Variants in PLPPR1 observed in about 807,000 individuals in gnomAD.
PLPPR1 encodes phospholipid phosphatase related 1, also known as phospholipid phosphatase-related protein type 1.
A neutral mutation model predicts 33.1 loss-of-function variants in PLPPR1; 10 were observed. The observed-to-expected ratio is 0.30, with a 90% CI of 0.19 to 0.51. The LOEUF (loss-of-function observed/expected upper bound fraction) is 0.51, where lower values mean the gene tolerates loss of function less well. Ranked by LOEUF, PLPPR1 falls within the 20% of genes least tolerant of loss-of-function variation. The pLI, the probability that PLPPR1 is intolerant of heterozygous loss-of-function variation, is 0.97. For synonymous variants in PLPPR1, 151 were observed against 151.0 expected (o/e 1.00, Z 0.00); for missense variants, 304 against 408.1 (o/e 0.74, Z 2.20).
At chr9:101,146,777 G>C (rs1831526475) in intron 1 of PLPPR1, among the ~76,000 whole-genome samples, 1 of 152,116 alleles carries the variant, frequency 6.6e-6, no homozygotes, top group South Asian at 2.1e-4. Context: ...ATCATCCTAG[G>C]GTCAAGAAGC....
At chr9:101,135,216 C>T (rs1315304086) in intron 1 of PLPPR1, among the ~76,000 whole-genome samples, 1 of 152,174 alleles carries the variant, frequency 6.6e-6, no homozygotes, top group Non-Finnish European at 1.5e-5. Context: ...TTTCTATCCA[C>T]ACCATATTCC....
At chr9:101,291,968 A>C (rs1275851369) in intron 4 of PLPPR1, among the ~76,000 whole-genome samples, 1 of 152,242 alleles carries the variant, frequency 6.6e-6, no homozygotes, top group Admixed American at 6.5e-5. Flanking sequence ...TGAGAGAAGA[A>C]GGCTTCAGAC....
chr9:101,120,951 T>G (rs1000304099), intron 1 of PLPPR1, among the ~76,000 whole-genome samples: 14 of 152,232 alleles, frequency 9.2e-5, no homozygotes, highest in African/African-American at 3.1e-4. Context: ...AATAGCATTT[T>G]CTAAGTTAAA....
intron 1 of PLPPR1, among the ~76,000 whole-genome samples, chr9:101,075,457 C>G (rs1040065703): frequency 6.6e-6 from 1 of 152,268 alleles, no homozygotes; most frequent in African/African-American, 2.4e-5. Context: ...TTTCTAATTA[C>G]AAATGACATG....
chr9:101,298,991 G>A (rs1051029164), intron 4 of PLPPR1, among the ~76,000 whole-genome samples: 2 of 152,160 alleles, frequency 1.3e-5, no homozygotes, highest in Non-Finnish European at 2.9e-5. Context: ...AGGGAACCAG[G>A]CCAGCTCCAT....
chr9:101,231,058 C>A (rs1407723089), intron 2 of PLPPR1, among the ~76,000 whole-genome samples: 2 of 151,810 alleles, frequency 1.3e-5, no homozygotes, highest in Admixed American at 1.3e-4. Context: ...GAATTACTTT[C>A]CCTATTAATA....
At chr9:101,293,842 G>A (rs1334173262) in intron 4 of PLPPR1, among the ~76,000 whole-genome samples, 3 of 151,866 alleles carry the variant, frequency 2.0e-5, no homozygotes, top group African/African-American at 7.3e-5. Flanking sequence ...ATGCCCACAA[G>A]AGAAAGCAGG....
At chr9:101,029,993 G>T (rs1829923870) in intron 1 of PLPPR1, among the ~76,000 whole-genome samples, 1 of 151,836 alleles carries the variant, frequency 6.6e-6, no homozygotes. Flanking sequence ...TGGGGATGTC[G>T]GGTTTTTTTC....
intron 1 of PLPPR1, among the ~76,000 whole-genome samples, chr9:101,059,965 T>C (rs889451477): frequency 1.3e-5 from 2 of 152,094 alleles, no homozygotes; most frequent in African/African-American, 4.8e-5. Context: ...ATCCCACTAC[T>C]GGGTATATAC....
chr9:101,193,362 A>G (rs1826335548), intron 2 of PLPPR1, among the ~76,000 whole-genome samples: 1 of 152,160 alleles, frequency 6.6e-6, no homozygotes, highest in African/African-American at 2.4e-5. Context: ...TTCAGAGATA[A>G]TAAAGACCCA....
At chr9:101,210,567 G>A (rs936951397) in intron 2 of PLPPR1, among the ~76,000 whole-genome samples, 9 of 152,128 alleles carry the variant, frequency 5.9e-5, no homozygotes, top group African/African-American at 2.2e-4. Flanking sequence ...TTGGCCTTGC[G>A]TCATATGAAT....
At chr9:101,268,675 C>G (rs1049135129) in intron 2 of PLPPR1, among the ~76,000 whole-genome samples, 1 of 152,160 alleles carries the variant, frequency 6.6e-6, no homozygotes, top group Non-Finnish European at 1.5e-5. Context: ...GAACTTTAGT[C>G]TTCTTAAGCC....
chr9:101,267,660 A>C (rs116849279), intron 2 of PLPPR1, among the ~76,000 whole-genome samples: 1 of 152,236 alleles, frequency 6.6e-6, no homozygotes, highest in African/African-American at 2.4e-5. Context: ...AAAGGTAGCA[A>C]TGGATGTAGC....
chr9:101,130,985 A>G (rs1304745055), intron 1 of PLPPR1, among the ~76,000 whole-genome samples: 1 of 149,794 alleles, frequency 6.7e-6, no homozygotes, highest in Admixed American at 6.6e-5. Flanking sequence ...TGTAAAATGT[A>G]GATAAAGGTA....
At chr9:101,161,973 C>T (rs190626018) in intron 1 of PLPPR1, among the ~76,000 whole-genome samples, 22 of 151,980 alleles carry the variant, frequency 1.4e-4, no homozygotes, top group Middle Eastern at 3.4e-3. Flanking sequence ...GGAGCTAGCA[C>T]GGTAAAGTAG....
intron 2 of PLPPR1, among the ~76,000 whole-genome samples, chr9:101,204,759 ATTCAACT>A (rs138610902): frequency 0.12 from 18,856 of 152,002 alleles, 1,359 homozygotes; most frequent in East Asian, 0.27. Flanking sequence ...TGCCAGTCAA[ATTCAACT>A]TTCAACTTTT....
intron 2 of PLPPR1, among the ~76,000 whole-genome samples, chr9:101,199,205 A>C (rs1826450360): frequency 6.6e-6 from 1 of 152,210 alleles, no homozygotes; most frequent in Non-Finnish European, 1.5e-5. Context: ...AAAGGAACTC[A>C]GTTATTGAAA....
At chr9:101,257,116 C>A in intron 2 of PLPPR1, among the ~76,000 whole-genome samples, 1 of 152,064 alleles carries the variant, frequency 6.6e-6, no homozygotes, top group East Asian at 1.9e-4. Context: ...GGGAATTCCA[C>A]AATACCAGTA....
intron 2 of PLPPR1, among the ~76,000 whole-genome samples, chr9:101,238,237 T>TAC (rs1827364785): frequency 7.3e-6 from 1 of 136,270 alleles, no homozygotes; most frequent in Non-Finnish European, 1.6e-5. Context: ...TCTCTATATA[T>TAC]ACCTATATAG....
Sources: allele counts gnomAD v4.1 joint callset (sites outside exome capture counted in the v4.1 genomes callset), GRCh38; gene constraint gnomAD v4.1.1; transcripts MANE v1.5; gene names NCBI Gene and HGNC (gene_info 2026-07-23, HGNC 2026-07-21).